The following SENP5 variants were observed in gnomAD, a reference collection of about 807,000 sequenced individuals.
SENP5 encodes sentrin-specific protease 5.
In SENP5, 21 loss-of-function variants were observed where a neutral mutation model predicts 74.2. The observed-to-expected ratio is 0.28, with a 90% confidence interval of 0.20 to 0.41. The LOEUF is 0.41. SENP5 is among the 10% of genes least tolerant of loss of function. The pLI, the probability that SENP5 is intolerant of heterozygous loss-of-function variation, is 1.00. For missense variants in SENP5, 717 were observed against 889.1 expected (o/e 0.81, Z 2.46); for synonymous variants, 311 against 312.7 (o/e 0.99, Z 0.06).
At chr3:196,900,085 G>T in intron 4 of SENP5, 23 bp downstream of exon 4, 1 of 1,598,030 alleles carries the variant, frequency 6.3e-7, no homozygotes. Context: ...TAGTTTTTCA[G>T]TGTGGAGAAG....
At chr3:196,892,794 T>C (rs922920811) in intron 2 of SENP5, among the ~76,000 whole-genome samples, 1 of 152,170 alleles carries the variant, frequency 6.6e-6, no homozygotes, top group Non-Finnish European at 1.5e-5. Flanking sequence ...CACATGTAAG[T>C]GAGATCATGC....
chr3:196,886,679 T>C lies in SENP5; in HGVS notation c.1498T>C (p.Ser500Pro), dbSNP rs1294792754. The C allele has an allele frequency of 1.9e-6, 3 of 1,560,682 alleles. No homozygotes were observed. Among genetic ancestry groups the C allele is most frequent in the African/African-American group, 1.4e-5 (1 of 73,008 alleles). The change falls in exon 2 of 10, where the codon TCA becomes CCA. Residue 500 changes from serine (S) to proline (P), a missense_variant. This residue lies in a region of SENP5 where 64 missense variants were observed against 100.8 expected (regional missense o/e 0.64). Transcript: ENST00000323460. Reference protein sequence around the residue: ...KASPVDDEQLSVCLSGFLDEV... With the variant: ...KASPVDDEQLPVCLSGFLDEV... ...CTCTCCAGTGGATGATGAACAGCTGTCAGTCTGTCTTTCTGGTATGCACTT... is the reference window on the plus strand; with the variant it reads ...CTCTCCAGTGGATGATGAACAGCTGCCAGTCTGTCTTTCTGGTATGCACTT...
chr3:196,886,135 G>A lies in SENP5; in HGVS notation c.954G>A (p.Gly318=). The change falls in exon 2 of 10, where the codon GGG becomes GGA. Residue 318 remains glycine, a synonymous_variant. Coordinates refer to ENST00000323460, the MANE Select transcript of SENP5 (RefSeq NM_152699.5). ...PDMDSSAVVK[G]TNSHVPDCHT... is the part of the protein sequence containing the mutation. ...TGGACAGCAGTGCTGTGGTGAAGGG[G>A]ACGAACTCTCATGTGCCTGATTGCC... 1 of 1,614,218 alleles carries A rather than the reference G, an allele frequency of 6.2e-7. No individual in the cohort carries two copies. Among genetic ancestry groups the A allele is most frequent in the Non-Finnish European group, 8.5e-7 (1 of 1,180,038 alleles).
intron 5 of SENP5, 58 bp downstream of exon 5, chr3:196,900,470 G>GT (rs1449743741): frequency 3.6e-6 from 5 of 1,387,430 alleles, no homozygotes; most frequent in Admixed American, 4.6e-5. Context: ...AAAATGAGTA[G>GT]TTTTTTTGTT....
chr3:196,906,550 T>C (rs1449413771), intron 6 of SENP5, among the ~76,000 whole-genome samples: 3 of 152,196 alleles, frequency 2.0e-5, no homozygotes, highest in Non-Finnish European at 4.4e-5. Flanking sequence ...GGAATGTTTC[T>C]CATAGGAAGT....
chr3:196,884,664 G>GTTTTTT (rs199659730), intron 1 of SENP5, among the ~76,000 whole-genome samples: 12 of 121,390 alleles, frequency 9.9e-5, no homozygotes, highest in African/African-American at 1.9e-4. Context: ...ACAGAAATCA[G>GTTTTTT]TTTTTTTTTG....
At chr3:196,915,693 G>GCAGC (rs1715338499) in intron 6 of SENP5, among the ~76,000 whole-genome samples, 1 of 152,164 alleles carries the variant, frequency 6.6e-6, no homozygotes. Flanking sequence ...TCAACTCCAG[G>GCAGC]CAGCCCATCA....
chr3:196,885,787 G>T lies in SENP5; in HGVS notation c.606G>T (p.Gly202=). The part of the protein sequence containing the change: ...RKGFCYGCCQ[G]PEHHRNGGPL... ...GCTTTTGTTACGGCTGCTGCCAAGG[G>T]CCGGAGCACCACAGGAATGGGGGAC... The change falls in exon 2 of 10, where the codon GGG becomes GGT. Residue 202 remains glycine (G), a synonymous_variant. Coordinates refer to ENST00000323460, the MANE Select transcript of SENP5 (RefSeq NM_152699.5). 1 of 1,614,240 alleles carries T rather than the reference G, an allele frequency of 6.2e-7. No individual in the cohort carries two copies. Among genetic ancestry groups the T allele is most frequent in the Non-Finnish European group, 8.5e-7 (1 of 1,180,046 alleles).
chr3:196,881,576 C>G (rs2108812495), intron 1 of SENP5, among the ~76,000 whole-genome samples: 1 of 152,082 alleles, frequency 6.6e-6, no homozygotes, highest in African/African-American at 2.4e-5. Flanking sequence ...TGTAAATTGT[C>G]TCCTTATGTA....
Position 196,886,581 on chromosome 3 carries a change from T to A in SENP5, c.1400T>A (p.Leu467Gln). 1 of 1,613,938 alleles carries A rather than the reference T, an allele frequency of 6.2e-7. No homozygotes were observed. Among genetic ancestry groups the A allele is most frequent in the South Asian group, 1.1e-5 (1 of 91,044 alleles). Residue 467 changes from leucine (L) to glutamine (Q), a missense_variant, in exon 2 of 10, where the codon CTG becomes CAG. Around this residue, in one of 4 missense-constraint regions of SENP5, gnomAD observed 567 missense variants for 577.4 expected, o/e 0.98. Transcript: ENST00000323460. ...GACCACCCTTACTGTAAAAGTCCAC[T>A]GGAGGCTCCCTTGGTGTGCAGTGGA... ...LLDHPYCKSP[L>Q]EAPLVCSGLK...
intron 1 of SENP5, among the ~76,000 whole-genome samples, chr3:196,869,759 CAAAAAAAAAA>C (rs58745670): frequency 2.6e-5 from 1 of 37,982 alleles, no homozygotes; most frequent in East Asian, 8.7e-4. Flanking sequence ...AACTCCGTCT[CAAAAAAAAAA>C]AAAAAAAAAA....
intron 6 of SENP5, among the ~76,000 whole-genome samples, chr3:196,922,208 C>T (rs545464055): frequency 1.3e-5 from 2 of 152,232 alleles, no homozygotes; most frequent in African/African-American, 4.8e-5. Flanking sequence ...TCTTTTATTA[C>T]TCTTAAAAAC....
intron 8 of SENP5, among the ~76,000 whole-genome samples, chr3:196,928,246 G>A (rs1288501349): frequency 4.6e-5 from 7 of 152,144 alleles, no homozygotes; most frequent in Non-Finnish European, 1.0e-4. Flanking sequence ...GATCCACTGA[G>A]GGGGAGAAAG....
chr3:196,909,472 G>A (rs556313842), intron 6 of SENP5, among the ~76,000 whole-genome samples: 1 of 152,252 alleles, frequency 6.6e-6, no homozygotes, highest in South Asian at 2.1e-4. Context: ...GAAAATTTCA[G>A]GCCAATATCC....
At chr3:196,894,202 T>A (rs1183274522) in intron 2 of SENP5, among the ~76,000 whole-genome samples, 1 of 141,276 alleles carries the variant, frequency 7.1e-6, no homozygotes, top group South Asian at 2.6e-4. Flanking sequence ...CGGCTCACGG[T>A]GGCCTCCACT....
Position 196,886,697 on chromosome 3 carries a change from A to G in SENP5, c.1513+3A>G, listed in dbSNP as rs1713991310. 6.5e-7 allele frequency: 1 copy of G among 1,531,972 alleles called. No individual in the cohort carries two copies. The highest frequency in any genetic ancestry group is 8.8e-7 in the Non-Finnish European group (1 of 1,142,432). 94.9% of individuals were successfully genotyped at this position (1,531,972 alleles called of 1,614,324 possible). A position where few individuals can be genotyped will look rare whatever the true frequency, so the allele number is the denominator to read the frequency against. On this transcript the variant is annotated splice_donor_region_variant and intron_variant, in intron 2 of 9. Transcript: ENST00000323460. The stretch of plus-strand genomic sequence containing the variant: ...ACAGCTGTCAGTCTGTCTTTCTGGT[A>G]TGCACTTTTCCTTTATTCTCCCTCA...
At chr3:196,900,925 A>G (rs778901238) in intron 5 of SENP5, among the ~76,000 whole-genome samples, 7 of 151,550 alleles carry the variant, frequency 4.6e-5, no homozygotes, top group African/African-American at 1.5e-4. Context: ...TCACTGTGCA[A>G]TTGTTTTCCT....
chr3:196,868,254 C>A (rs1298411011), intron 1 of SENP5, among the ~76,000 whole-genome samples, 181 bp downstream of exon 1: 4 of 152,226 alleles, frequency 2.6e-5, no homozygotes, highest in African/African-American at 9.6e-5. Flanking sequence ...CCGGGGGAGG[C>A]GAGCGAGCTC....
chr3:196,927,556 A>G (rs1056020589), intron 7 of SENP5, among the ~76,000 whole-genome samples: 16 of 151,892 alleles, frequency 1.1e-4, no homozygotes, highest in African/African-American at 3.9e-4. Context: ...GGATCTCTGA[A>G]GCCTAGGAGT....
Sources: gnomAD v4.1 joint callset for allele counts (sites outside exome capture counted in the v4.1 genomes callset) on GRCh38, gnomAD v4.1.1 for gene constraint, gnomAD v4.1.1 regional missense constraint, MANE v1.5 for transcripts, NCBI Gene and HGNC (gene_info 2026-07-23, HGNC 2026-07-21) for gene names.